HNF1B: variants seen among roughly 807,000 people sequenced by gnomAD.
The protein encoded by HNF1B is HNF1 homeobox B, also known as hepatocyte nuclear factor 1-beta.
HNF1B carries 8 observed loss-of-function variants against 61.7 expected under a neutral mutation model. The ratio of observed to expected loss-of-function variants is 0.13; its 90% CI spans 0.08 to 0.23. HNF1B has a LOEUF of 0.23. Ranked by LOEUF, HNF1B falls within the 10% of genes least tolerant of loss-of-function variation. The probability of loss-of-function intolerance (pLI) is 1.00; values close to 1 mark genes in which losing one functional copy is unlikely to be tolerated. For missense variants in HNF1B, 562 were observed against 714.5 expected (o/e 0.79, Z 2.43); for synonymous variants, 314 against 287.7 (o/e 1.09, Z -0.93).
At chr17:37,725,989 T>A (rs1193085123) in intron 4 of HNF1B, among the ~76,000 whole-genome samples, 2 of 152,182 alleles carry the variant, frequency 1.3e-5, no homozygotes, top group Non-Finnish European at 2.9e-5. Context: ...TCCACCTTGG[T>A]CAGGGGCAGT....
rs2032562548 is a variant in HNF1B at position 37,701,274 on chromosome 17, CG to C, written c.1340-98del. The C allele has an allele frequency of 2.5e-6, 3 of 1,189,670 alleles. No homozygotes were observed. The South Asian group carries it at 3.9e-5, about 16-fold the overall frequency. 73.7% of individuals were successfully genotyped at this position (1,189,670 alleles called of 1,614,324 possible). ...AGCCCCCGCTCAATGTCCCAGTCAC[CG>C]GGCTGAGCCTGTTACATAGGAGATT... is the stretch of plus-strand genomic sequence containing the variant. On this transcript the variant is annotated intron_variant, in intron 6 of 8. Transcript: ENST00000617811.
intron 4 of HNF1B, among the ~76,000 whole-genome samples, chr17:37,713,374 G>A (rs755680590): frequency 2.6e-5 from 4 of 152,186 alleles, no homozygotes; most frequent in Non-Finnish European, 5.9e-5. Context: ...AATTAACCAA[G>A]GATTTCCGCA....
At chr17:37,727,916 T>C (rs544127387) in intron 4 of HNF1B, among the ~76,000 whole-genome samples, 3 of 152,166 alleles carry the variant, frequency 2.0e-5, no homozygotes, top group East Asian at 1.9e-4. Context: ...TCGGGCCTTG[T>C]TCCCCCCAGC....
chr17:37,731,430 G>A, intron 4 of HNF1B, 165 bp downstream of exon 4: 1 of 724,594 alleles, frequency 1.4e-6, no homozygotes, highest in Non-Finnish European at 2.5e-6. Flanking sequence ...AAACTGATCA[G>A]AGCCACACAT....
intron 4 of HNF1B, among the ~76,000 whole-genome samples, chr17:37,715,269 C>T (rs1216756045): frequency 6.6e-6 from 1 of 152,134 alleles, no homozygotes; most frequent in South Asian, 2.1e-4. Context: ...TTGTTGCATC[C>T]TTATAGCCTA....
intron 8 of HNF1B, among the ~76,000 whole-genome samples, chr17:37,697,492 AGAC>A (rs1296835100): frequency 6.6e-6 from 1 of 152,222 alleles, no homozygotes; most frequent in Admixed American, 6.5e-5. Flanking sequence ...TCCTGAATTC[AGAC>A]GACTTGTTTC....
intron 6 of HNF1B, among the ~76,000 whole-genome samples, chr17:37,702,819 T>G (rs2032616015): frequency 6.6e-6 from 1 of 152,186 alleles, no homozygotes; most frequent in South Asian, 2.1e-4. Flanking sequence ...GAATCTTATT[T>G]TCAATGCAGT....
At position 37,721,548 on chromosome 17, in the gene HNF1B, T is replaced by C. The variant is rs747772733; in HGVS notation, c.1045+10047A>G. Among the ~76,000 whole-genome samples the C allele has an allele frequency of 7.2e-5, 11 of 152,110 alleles. 1 individual carries two copies. The highest frequency in any genetic ancestry group is 3.2e-3 in the Middle Eastern group (1 of 316). On this transcript the variant is annotated intron_variant, in intron 4 of 8. Coordinates refer to ENST00000617811, the MANE Select transcript of HNF1B (RefSeq NM_000458.4). ...ATGATTCACCCAAGGTCACCCTTGCTCATTGGTGGCTCTGATCTCCTGAAT... is the reference window on the plus strand; with the variant it reads ...ATGATTCACCCAAGGTCACCCTTGCCCATTGGTGGCTCTGATCTCCTGAAT...
chr17:37,729,963 C>T, intron 4 of HNF1B: 1 of 100,826 alleles, frequency 9.9e-6, no homozygotes, highest in Non-Finnish European at 2.0e-5. Flanking sequence ...GCTGTGTTTT[C>T]TGCCCTGCTC....
chr17:37,691,955 G>A (rs754513991), intron 8 of HNF1B, among the ~76,000 whole-genome samples: 11 of 152,162 alleles, frequency 7.2e-5, no homozygotes, highest in Admixed American at 2.0e-4. Context: ...GTCAAGCAGC[G>A]GGGAGAGAAC....
At chr17:37,713,877 G>C (rs1015822556) in intron 4 of HNF1B, among the ~76,000 whole-genome samples, 1 of 152,230 alleles carries the variant, frequency 6.6e-6, no homozygotes, top group Admixed American at 6.5e-5. Context: ...CATCTTATGA[G>C]GGGGCGGGGT....
At chr17:37,696,462 A>G (rs890456668) in intron 8 of HNF1B, among the ~76,000 whole-genome samples, 1 of 151,994 alleles carries the variant, frequency 6.6e-6, no homozygotes, top group African/African-American at 2.4e-5. Flanking sequence ...AAATAAATAA[A>G]TAAGAGCCCA....
chr17:37,722,366 T>C (rs1350541372), intron 4 of HNF1B, among the ~76,000 whole-genome samples: 3 of 152,156 alleles, frequency 2.0e-5, no homozygotes, highest in Admixed American at 6.5e-5. Flanking sequence ...TTAAGCCTCA[T>C]TGCACCCCTA....
chr17:37,714,159 G>A (rs772055751), intron 4 of HNF1B, among the ~76,000 whole-genome samples: 4 of 152,164 alleles, frequency 2.6e-5, no homozygotes, highest in East Asian at 1.9e-4. Context: ...GGAAGAGAAC[G>A]GAATGAGTTA....
chr17:37,740,310 T>C lies in HNF1B; in HGVS notation c.345-671A>G, dbSNP rs558507959. Among the ~76,000 whole-genome samples, 7 of 152,238 alleles carry C rather than the reference T, an allele frequency of 4.6e-5. No individual in the cohort carries two copies. The South Asian group carries it at 1.2e-3, about 27-fold the overall frequency. On this transcript the variant is annotated intron_variant, in intron 1 of 8. Transcript: ENST00000617811. ...CTCCATTTTCCTGCAATGTGGGAGA[T>C]TTAAAAGGCAGGAGGCCCACTGGAA...
rs1386755265 is a variant in HNF1B, at chr17:37,731,713, G to A, written c.927C>T (p.Phe309=). Residue 309 remains phenylalanine (F), a synonymous_variant, in exon 4 of 9, where the codon TTC becomes TTT. Transcript: ENST00000617811. ...WFANRRKEEA[F]RQKLAMDAYS... ...AGGCGTCCATGGCCAGCTTTTGCCGGAATGCCTCCTCCTTCCTGCGGTTTG... is the reference window on the plus strand; with the variant it reads ...AGGCGTCCATGGCCAGCTTTTGCCGAAATGCCTCCTCCTTCCTGCGGTTTG... 1.2e-6 allele frequency: 2 copies of A among 1,614,072 alleles called. No individual in the cohort carries two copies. The highest frequency in any genetic ancestry group is 3.3e-5 in the Admixed American group (2 of 60,010).
rs1304353759 is a variant in HNF1B at position 37,687,355 on chromosome 17, T to C, written c.*17A>G. 1 of 1,614,018 alleles carries C rather than the reference T, an allele frequency of 6.2e-7. No individual in the cohort carries two copies. The highest frequency in any genetic ancestry group is 1.3e-5 in the African/African-American group (1 of 75,010). Reference sequence around the variant, plus strand: ...AGGGTCCTTGTTGTTGCGCACGAAGTAAGTGGTGTGTGGGCATCACCAGGC... The same window carrying C: ...AGGGTCCTTGTTGTTGCGCACGAAGCAAGTGGTGTGTGGGCATCACCAGGC... On this transcript the variant is annotated 3_prime_UTR_variant, in exon 9 of 9. Coordinates refer to ENST00000617811, the MANE Select transcript of HNF1B (RefSeq NM_000458.4).
chr17:37,732,808 T>C (rs1433511090), intron 3 of HNF1B, among the ~76,000 whole-genome samples: 2 of 152,092 alleles, frequency 1.3e-5, no homozygotes, highest in Non-Finnish European at 2.9e-5. Context: ...ATTTTAAAAA[T>C]AAATACTTAA....
intron 6 of HNF1B, among the ~76,000 whole-genome samples, chr17:37,702,827 A>C (rs550148287): frequency 1.4e-4 from 22 of 152,162 alleles, no homozygotes; most frequent in Non-Finnish European, 3.1e-4. Context: ...TTTTCAATGC[A>C]GTCTGTGATC....
Sources: gnomAD v4.1 joint callset for allele counts (sites outside exome capture counted in the v4.1 genomes callset) on GRCh38, gnomAD v4.1.1 for gene constraint, MANE v1.5 for transcripts, NCBI Gene and HGNC (gene_info 2026-07-23, HGNC 2026-07-21) for gene names.